The following C1orf116 variants were observed in gnomAD, a reference collection of about 807,000 sequenced individuals.
The protein encoded by C1orf116 is chromosome 1 open reading frame 116, also known as specifically androgen-regulated gene protein.
C1orf116 carries 12 observed loss-of-function variants against 14.1 expected under a neutral mutation model. The ratio of observed to expected loss-of-function variants is 0.85; its 90% CI spans 0.54 to 1.38. The LOEUF is 1.38. Among genes scored for constraint, C1orf116 ranks in the 40% most tolerant of loss-of-function variants. C1orf116 has a pLI of 0.00. For missense variants in C1orf116, 797 were observed against 747.0 expected, an observed-to-expected ratio of 1.07 and a Z score of -0.78; for synonymous variants, 296 against 299.0, an observed-to-expected ratio of 0.99 and a Z score of 0.10.
At position 207,031,046 on chromosome 1, in the gene C1orf116, C is replaced by T. The variant is rs544312362; in HGVS notation, c.-82+1533G>A. On this transcript the variant is annotated intron_variant, in intron 1 of 3. Transcript: ENST00000359470. ...ATCAGACCCAGGTCCCTCTCATCCT[C>T]CTCCCACGAACCCCCCACATGTCCT... Among the ~76,000 whole-genome samples the T allele has an allele frequency of 2.4e-4, 36 of 152,296 alleles. No homozygotes were observed. In the South Asian group the frequency reaches 7.0e-3, roughly 30 times the overall value.
chr1:207,025,154 C>T lies in C1orf116; in HGVS notation c.106-90G>A, dbSNP rs552628953. ...AGAGGGAGAGAGAGCTGTGAGAAAG[C>T]GCTCCCTCCGCAGAAACTGGCGGGG... On this transcript the variant is annotated intron_variant, in intron 2 of 3. Transcript: ENST00000359470. The T allele has an allele frequency of 3.9e-5, 39 of 1,001,144 alleles. No individual in the cohort carries two copies. In the South Asian group the frequency reaches 4.5e-4, roughly 12 times the overall value. The allele number at this position is 1,001,144 out of a possible 1,614,324, so 62.0% of individuals were successfully genotyped here. A position where few individuals can be genotyped will look rare whatever the true frequency, so the allele number is the denominator to read the frequency against.
intron 1 of C1orf116, among the ~76,000 whole-genome samples, chr1:207,030,596 C>T (rs534705126): frequency 1.8e-4 from 27 of 152,296 alleles, no homozygotes; most frequent in South Asian, 6.2e-4. Context: ...CTGAGCGAGG[C>T]GCTGTCACCT....
chr1:207,022,983 G>T lies in C1orf116; in HGVS notation c.781C>A (p.Gln261Lys), dbSNP rs374127728. 1 of 1,614,020 alleles carries T rather than the reference G, an allele frequency of 6.2e-7. No homozygotes were observed. The highest frequency in any genetic ancestry group is 8.5e-7 in the Non-Finnish European group (1 of 1,180,044). The change falls in exon 4 of 4, where the codon CAA (glutamine) becomes AAA (lysine). Residue 261 changes from glutamine (Q) to lysine (K), a missense_variant. Physicochemically the swap from Gln to Lys is moderately conservative, Grantham distance 53. Transcript: ENST00000359470. Reference sequence around the variant, plus strand: ...AACCCTGCAGGAGGAGGCTGGGGTTGTGTGTACCTGGTTGAGACTGTTTCC... The same window carrying T: ...AACCCTGCAGGAGGAGGCTGGGGTTTTGTGTACCTGGTTGAGACTGTTTCC... ...AKETVSTRYT[Q>K]PQPPPAGLPQ...
chr1:207,026,498 A>G (rs1572697062), intron 2 of C1orf116, among the ~76,000 whole-genome samples: 2 of 152,226 alleles, frequency 1.3e-5, no homozygotes, highest in Non-Finnish European at 2.9e-5. Flanking sequence ...ACGTCTCCAC[A>G]GCCCCATTAT....
In C1orf116 at chr1:207,022,557, T is replaced by C. The variant is rs1196842181; in HGVS notation, c.1207A>G (p.Ile403Val). ...PAAPAQASAA[I>V]PAAGKALAQA... ...GCCAGAGCCTTCCCAGCAGCAGGAA[T>C]AGCTGCTGAGGCCTGGGCTGGAGCT... Residue 403 changes from isoleucine to valine, a missense_variant, in exon 4 of 4, where the codon ATT becomes GTT. Coordinates refer to ENST00000359470, the MANE Select transcript of C1orf116 (RefSeq NM_023938.6). The C allele has an allele frequency of 6.2e-7, 1 of 1,613,312 alleles. No homozygotes were observed. The highest frequency in any genetic ancestry group is 1.1e-5 in the South Asian group (1 of 91,070).
In C1orf116 at chr1:207,022,378, T is replaced by C. The variant is rs954436438; in HGVS notation, c.1386A>G (p.Ser462=). ...TGTTGCTCTCCTGGAGAGTCAGCCC[T>C]GACTCTGGCTTCGGTGGAGTCAGGG... ...NSALTPPKPE[S]GLTLQESNTP... Residue 462 remains serine, a synonymous_variant, in exon 4 of 4, where the codon TCA becomes TCG. Coordinates refer to ENST00000359470, the MANE Select transcript of C1orf116 (RefSeq NM_023938.6). The C allele has an allele frequency of 2.5e-6, 4 of 1,614,016 alleles. No homozygotes were observed. Among genetic ancestry groups the C allele is most frequent in the Non-Finnish European group, 3.4e-6 (4 of 1,180,008 alleles).
At chr1:207,023,602 G>C in intron 3 of C1orf116, 122 bp from the exon 4 acceptor site, 1 of 1,361,562 alleles carries the variant, frequency 7.3e-7, no homozygotes, top group South Asian at 1.7e-5. Context: ...GCAATGAATG[G>C]GTTTTATTTT....
At chr1:207,032,459 G>T in intron 1 of C1orf116, 120 bp downstream of exon 1, 2 of 628,358 alleles carry the variant, frequency 3.2e-6, no homozygotes, top group Non-Finnish European at 4.0e-6. Context: ...GAGGAACAGA[G>T]AGGAAATCTC....
Position 207,018,891 on chromosome 1 carries a change from C to T in C1orf116, c.*3067G>A, listed in dbSNP as rs1049075432. On this transcript the variant is annotated 3_prime_UTR_variant, in exon 4 of 4. Transcript: ENST00000359470. ...TGACAGGAGGGTCCTTCCTTCTTAG[C>T]CTACACATACAACCAGGTGTCAAAG... 6.6e-6 allele frequency: 1 copy of T among 152,312 alleles called. No individual in the cohort carries two copies. Among genetic ancestry groups the T allele is most frequent in the Middle Eastern group, 3.1e-3 (1 of 318 alleles). The allele number at this position is 152,312 out of a possible 1,614,324, so 9.4% of individuals were successfully genotyped here.
chr1:207,022,249 G>T lies in C1orf116; in HGVS notation c.1515C>A (p.Thr505=). The part of the protein sequence containing the change: ...LSTEKDASPK[T]STSLGKGSFL... ...AGGAGCCCTTTCCCAGAGAAGTGCTGGTTTTGGGGCTGGCATCTTTCTCAG... is the reference window on the plus strand; with the variant it reads ...AGGAGCCCTTTCCCAGAGAAGTGCTTGTTTTGGGGCTGGCATCTTTCTCAG... The change falls in exon 4 of 4, where the codon ACC becomes ACA. Residue 505 remains threonine (T), a synonymous_variant. Transcript: ENST00000359470. The T allele has an allele frequency of 6.2e-7, 1 of 1,613,880 alleles. No individual in the cohort carries two copies. Among genetic ancestry groups the T allele is most frequent in the Non-Finnish European group, 8.5e-7 (1 of 1,179,950 alleles).
At chr1:207,032,413 C>T (rs1682275206) in intron 1 of C1orf116, among the ~76,000 whole-genome samples, 166 bp downstream of exon 1, 1 of 152,182 alleles carries the variant, frequency 6.6e-6, no homozygotes, top group Admixed American at 6.5e-5. Context: ...AAGTTGCTAC[C>T]AACCTGATCT....
intron 1 of C1orf116, 27 bp from the exon 2 acceptor site, chr1:207,027,706 C>T: frequency 6.6e-7 from 1 of 1,508,412 alleles, no homozygotes; most frequent in Non-Finnish European, 8.9e-7. Context: ...CAAAGCCACA[C>T]ATGAGCCGAG....
rs771333520 is a variant in C1orf116 at position 207,022,751 on chromosome 1, CAGG to C, written c.1010_1012del (p.Ser337del). The C allele has an allele frequency of 5.6e-6, 9 of 1,614,206 alleles. No homozygotes were observed. The highest frequency in any genetic ancestry group is 6.8e-6 in the Non-Finnish European group (8 of 1,180,034). On this transcript the variant is annotated inframe_deletion, in exon 4 of 4. Transcript: ENST00000359470. ...TGCTTTTCTCTGCTCTTGCAGTGAA[CAGG>C]AGATCAGGCCAGAATCTCCAGGGGC...
intron 1 of C1orf116, among the ~76,000 whole-genome samples, chr1:207,031,573 A>C (rs2102307500): frequency 6.6e-6 from 1 of 152,330 alleles, no homozygotes; most frequent in East Asian, 1.9e-4. Flanking sequence ...GGAGGAAAAG[A>C]GTCAAAGTTA....
In C1orf116 at chr1:207,022,670, A is replaced by G; in HGVS notation, c.1094T>C (p.Leu365Pro). The change falls in exon 4 of 4, where the codon CTC becomes CCC. Residue 365 changes from leucine to proline, a missense_variant. Physicochemically the swap from Leu to Pro is moderately conservative, Grantham distance 98. Transcript: ENST00000359470. ...GGAGCTGGTGGGCTTACTTAAGTGG[A>G]GTCCAGGCTCATCTTGATCCTGGGG... ...GLPQDQDEPG[L>P]HLSKPTSSIR... is the part of the protein sequence containing the mutation. 6.2e-7 allele frequency: 1 copy of G among 1,614,028 alleles called. No homozygotes were observed. The highest frequency in any genetic ancestry group is 8.5e-7 in the Non-Finnish European group (1 of 1,180,016).
chr1:207,028,675 A>G (rs933371852), intron 1 of C1orf116, among the ~76,000 whole-genome samples: 3 of 152,224 alleles, frequency 2.0e-5, no homozygotes, highest in Non-Finnish European at 4.4e-5. Flanking sequence ...CATTGTAACA[A>G]TAGTAGTAGC....
At chr1:207,027,143 C>G (rs1343827399) in intron 2 of C1orf116, among the ~76,000 whole-genome samples, 1 of 152,194 alleles carries the variant, frequency 6.6e-6, no homozygotes, top group Admixed American at 6.5e-5. Context: ...TAATGCTGCT[C>G]ATTGCAGAGA....
Position 207,032,603 on chromosome 1 carries a change from G to C in C1orf116, c.-106C>G. On this transcript the variant is annotated 5_prime_UTR_variant, in exon 1 of 4. Transcript: ENST00000359470. Reference sequence around the variant, plus strand: ...CCTCCACTGGGTTGGGGGCTGAAGAGAGAAAAGAAATACCCTTTTGTTTCA... The same window carrying C: ...CCTCCACTGGGTTGGGGGCTGAAGACAGAAAAGAAATACCCTTTTGTTTCA... 1.0e-6 allele frequency: 1 copy of C among 985,474 alleles called. No homozygotes were observed. The allele number at this position is 985,474 out of a possible 1,614,324, so 61.0% of individuals were successfully genotyped here. A position where few individuals can be genotyped will look rare whatever the true frequency, so the allele number is the denominator to read the frequency against.
intron 1 of C1orf116, among the ~76,000 whole-genome samples, chr1:207,032,158 C>G (rs530894714): frequency 6.6e-6 from 1 of 152,280 alleles, no homozygotes; most frequent in South Asian, 2.1e-4. Context: ...GGTAAAGCCA[C>G]GGGAGAATTT....
Sources: gnomAD v4.1 joint callset for allele counts (sites outside exome capture counted in the v4.1 genomes callset) on GRCh38, gnomAD v4.1.1 for gene constraint, MANE v1.5 for transcripts, NCBI Gene and HGNC (gene_info 2026-07-23, HGNC 2026-07-21) for gene names.